Variants in ABL1 observed in about 807,000 individuals in gnomAD.
The protein encoded by ABL1 is tyrosine-protein kinase ABL1.
A neutral mutation model predicts 94.7 loss-of-function variants in ABL1; 11 were observed. The ratio of observed to expected loss-of-function variants is 0.12; its 90% CI spans 0.07 to 0.19. ABL1 has a LOEUF of 0.19. Ranked by LOEUF, ABL1 falls within the 10% of genes least tolerant of loss-of-function variation. The pLI is 1.00. For missense variants in ABL1, 1,082 were observed against 1,489.4 expected, an observed-to-expected ratio of 0.73 and a Z score of 4.50; for synonymous variants, 656 against 622.4, an observed-to-expected ratio of 1.05 and a Z score of -0.80.
Position 130,814,185 on chromosome 9 carries a change from G to A in ABL1, c.137-39879G>A, listed in dbSNP as rs932474219. Among the ~76,000 whole-genome samples, 1 of 152,152 alleles carries A rather than the reference G, an allele frequency of 6.6e-6. No homozygotes were observed. The highest frequency in any genetic ancestry group is 2.4e-5 in the African/African-American group (1 of 41,410). On this transcript the variant is annotated intron_variant, in intron 1 of 10. Transcript: ENST00000372348. The surrounding 1 kb of genome is among the most constrained non-coding windows in gnomAD (Gnocchi z 4.4). ...CTGTGTAATCCCAGCTACTCAGGAGGCTGAGGCAGGAGAATCGCTTTAACC... is the reference window on the plus strand; with the variant it reads ...CTGTGTAATCCCAGCTACTCAGGAGACTGAGGCAGGAGAATCGCTTTAACC...
chr9:130,740,240 TA>T (rs1258693772), intron 1 of ABL1, among the ~76,000 whole-genome samples: 1 of 152,168 alleles, frequency 6.6e-6, no homozygotes, highest in Non-Finnish European at 1.5e-5. Context: ...AGGCTGTAAT[TA>T]GGGGGACAAT....
intron 1 of ABL1, among the ~76,000 whole-genome samples, chr9:130,850,528 A>G (rs1038635416): frequency 2.6e-5 from 4 of 152,188 alleles, no homozygotes; most frequent in African/African-American, 7.2e-5. Context: ...ATTTTTTGAA[A>G]TGGAGTCTCA....
chr9:130,836,335 G>C (rs1830583478), intron 1 of ABL1, among the ~76,000 whole-genome samples: 1 of 151,908 alleles, frequency 6.6e-6, no homozygotes, highest in South Asian at 2.1e-4. Flanking sequence ...TCCTGTTGTA[G>C]TCTTTAGTTT....
intron 1 of ABL1, among the ~76,000 whole-genome samples, chr9:130,783,877 A>G (rs1829791107): frequency 6.6e-6 from 1 of 152,116 alleles, no homozygotes; most frequent in Admixed American, 6.5e-5. Flanking sequence ...GCTGGTCTCG[A>G]ACTCCTGAGC....
At chr9:130,865,163 C>CATA (rs1831134335) in intron 4 of ABL1, among the ~76,000 whole-genome samples, 1 of 152,148 alleles carries the variant, frequency 6.6e-6, no homozygotes. Context: ...TTTAATTATA[C>CATA]TTCTAATAAT....
chr9:130,880,673 C>G lies in ABL1; in HGVS notation c.1678+9C>G. ...GGGCCAGGGAGAGAGCGGTAAGTCCCCCGCTTCCCCCAACCCCACTGCTCT... is the reference window on the plus strand; with the variant it reads ...GGGCCAGGGAGAGAGCGGTAAGTCCGCCGCTTCCCCCAACCCCACTGCTCT... On this transcript the variant is annotated intron_variant, in intron 10 of 10. Transcript: ENST00000318560. The surrounding 1 kb of genome is among the most constrained non-coding windows in gnomAD (Gnocchi z 4.4). The G allele has an allele frequency of 6.2e-7, 1 of 1,612,248 alleles. No individual in the cohort carries two copies. The highest frequency in any genetic ancestry group is 8.5e-7 in the Non-Finnish European group (1 of 1,179,360).
At chr9:130,732,713 C>T (rs923797828) in intron 1 of ABL1, among the ~76,000 whole-genome samples, 2 of 151,894 alleles carry the variant, frequency 1.3e-5, no homozygotes, top group East Asian at 1.9e-4. Flanking sequence ...GGTAAAATCC[C>T]GGGGGTCTGG....
chr9:130,728,592 G>A lies in ABL1; in HGVS notation c.136+14137G>A, dbSNP rs1373603538. Among the ~76,000 whole-genome samples, 5 of 151,056 alleles carry A rather than the reference G, an allele frequency of 3.3e-5. No individual in the cohort carries two copies. The South Asian group carries it at 6.3e-4, about 19-fold the overall frequency. Reference sequence around the variant, plus strand: ...TTTTTAGAAGAGACGGAGTTTCACCGTGTTAGCCAGGATGGTCTCAATCTC... The same window carrying A: ...TTTTTAGAAGAGACGGAGTTTCACCATGTTAGCCAGGATGGTCTCAATCTC... On this transcript the variant is annotated intron_variant, in intron 1 of 10. Transcript: ENST00000372348.
At chr9:130,804,159 A>G (rs1830092707) in intron 1 of ABL1, among the ~76,000 whole-genome samples, 1 of 151,842 alleles carries the variant, frequency 6.6e-6, no homozygotes, top group African/African-American at 2.4e-5. Context: ...GATCGAGACA[A>G]TCCTGGCTAA....
chr9:130,813,892 T>C (rs1408733983), intron 1 of ABL1, among the ~76,000 whole-genome samples: 1 of 152,232 alleles, frequency 6.6e-6, no homozygotes, highest in Non-Finnish European at 1.5e-5. Flanking sequence ...GTTGAGCATC[T>C]GTATCAGAAA....
intron 1 of ABL1, among the ~76,000 whole-genome samples, chr9:130,716,316 T>G (rs1193906428): frequency 2.6e-5 from 4 of 152,122 alleles, no homozygotes; most frequent in Admixed American, 1.3e-4. Context: ...AGGCTGGTCC[T>G]GAACTCTTGA....
At chr9:130,811,771 T>C (rs1830209830) in intron 1 of ABL1, among the ~76,000 whole-genome samples, 1 of 151,652 alleles carries the variant, frequency 6.6e-6, no homozygotes, top group African/African-American at 2.4e-5. Context: ...TAGCCGGGCA[T>C]GGTGGTGGCA....
chr9:130,862,105 A>G lies in ABL1; in HGVS notation c.550-658A>G, dbSNP rs565739902. 6.6e-6 allele frequency among the ~76,000 whole-genome samples: 1 copy of G among 152,148 alleles called. No homozygotes were observed. The highest frequency in any genetic ancestry group is 6.5e-5 in the Admixed American group (1 of 15,270). On this transcript the variant is annotated intron_variant, in intron 3 of 10. Coordinates refer to ENST00000318560, the MANE Select transcript of ABL1 (RefSeq NM_005157.6). This position sits in a 1 kb window ranked among gnomAD's most constrained non-coding sequence, Gnocchi z 5.5. The stretch of plus-strand genomic sequence containing the variant: ...GTTTTCATCTTCTGGTCACTATTTC[A>G]TTCTAGGTTTATCCCCTTTAAATTA...
chr9:130,827,124 G>A (rs2855189), intron 1 of ABL1, among the ~76,000 whole-genome samples: 11,102 of 152,260 alleles, frequency 0.073, 485 homozygotes, highest in African/African-American at 0.098. Context: ...CTGCACTCAG[G>A]AGCCTGACCC....
chr9:130,850,610 G>A (rs1588267143), intron 1 of ABL1, among the ~76,000 whole-genome samples: 2 of 152,158 alleles, frequency 1.3e-5, no homozygotes, highest in South Asian at 2.1e-4. Context: ...GTGTTCAAGC[G>A]ATTCTCGTGC....
intron 1 of ABL1, among the ~76,000 whole-genome samples, chr9:130,756,499 A>G (rs768813897): frequency 4.0e-5 from 6 of 151,868 alleles, no homozygotes; most frequent in Non-Finnish European, 7.4e-5. Flanking sequence ...TTTTTCAGCT[A>G]TTTTTCGGCG....
intron 1 of ABL1, among the ~76,000 whole-genome samples, chr9:130,816,096 C>T (rs916679318): frequency 2.8e-4 from 42 of 152,124 alleles, no homozygotes; most frequent in African/African-American, 1.0e-3. Flanking sequence ...TCTCCCCACC[C>T]ACTATAACCT....
chr9:130,821,829 T>C, intron 1 of ABL1, among the ~76,000 whole-genome samples: 1 of 17,858 alleles, frequency 5.6e-5, no homozygotes. Flanking sequence ...CACCTGGCTA[T>C]TATTATTATT....
At chr9:130,740,999 T>C (rs1831810187) in intron 1 of ABL1, among the ~76,000 whole-genome samples, 1 of 152,162 alleles carries the variant, frequency 6.6e-6, no homozygotes, top group Non-Finnish European at 1.5e-5. Context: ...CTTAATGCCA[T>C]CTAACACGAG....
Sources: allele counts gnomAD v4.1 joint callset (sites outside exome capture counted in the v4.1 genomes callset), GRCh38; gene constraint gnomAD v4.1.1; non-coding constraint Gnocchi (gnomAD v3.1); transcripts MANE v1.5; gene names NCBI Gene and HGNC (gene_info 2026-07-23, HGNC 2026-07-21).